Variants in DLGAP1 observed in about 807,000 individuals in gnomAD.
DLGAP1 encodes DLG associated protein 1, also known as disks large-associated protein 1.
In DLGAP1, 11 loss-of-function variants were observed where a neutral mutation model predicts 90.8. That is an observed-to-expected ratio of 0.12 (90% CI 0.08 to 0.20). The LOEUF is 0.20. Among genes scored for constraint, DLGAP1 ranks in the 10% least tolerant of loss-of-function variants. DLGAP1 has a pLI of 1.00. For synonymous variants in DLGAP1, 558 were observed against 540.7 expected (o/e 1.03, Z -0.44); for missense variants, 1,050 against 1,333.8 (o/e 0.79, Z 3.31).
intron 4 of DLGAP1, among the ~76,000 whole-genome samples, chr18:3,855,137 A>G (rs926253698): frequency 6.6e-6 from 1 of 152,234 alleles, no homozygotes; most frequent in Admixed American, 6.5e-5. Flanking sequence ...TATCCTTTGC[A>G]GCAACATGGA....
chr18:3,960,083 G>C (rs759443778), intron 3 of DLGAP1, among the ~76,000 whole-genome samples: 5 of 152,150 alleles, frequency 3.3e-5, no homozygotes, highest in Non-Finnish European at 5.9e-5. Flanking sequence ...CTTTCCACTG[G>C]ATTCTTTTTC....
intron 6 of DLGAP1, among the ~76,000 whole-genome samples, chr18:3,734,413 C>CA (rs2030486532): frequency 6.6e-6 from 1 of 152,124 alleles, no homozygotes; most frequent in Non-Finnish European, 1.5e-5. Context: ...CTACTGCACT[C>CA]AGCCCCATTT....
chr18:3,629,009 G>C (rs1429834996), intron 7 of DLGAP1, among the ~76,000 whole-genome samples: 1 of 152,156 alleles, frequency 6.6e-6, no homozygotes, highest in African/African-American at 2.4e-5. Flanking sequence ...TTTGCTATGA[G>C]TTTCTTCATA....
At chr18:3,673,945 C>G (rs1342958006) in intron 7 of DLGAP1, among the ~76,000 whole-genome samples, 1 of 151,782 alleles carries the variant, frequency 6.6e-6, no homozygotes, top group Admixed American at 6.6e-5. Context: ...TGGGTTCAAG[C>G]GATTCTCCTG....
Position 3,498,304 on chromosome 18 carries a change from T to C in DLGAP1, c.*881A>G, listed in dbSNP as rs1259127571. Reference sequence around the variant, plus strand: ...AACAATATAAATATACACAGTACAATAAGAGTTGAGAAAACATTTCAGGTC... The same window carrying C: ...AACAATATAAATATACACAGTACAACAAGAGTTGAGAAAACATTTCAGGTC... On this transcript the variant is annotated 3_prime_UTR_variant, in exon 13 of 13. Coordinates refer to ENST00000315677, the MANE Select transcript of DLGAP1 (RefSeq NM_004746.4). 2 of 152,124 alleles carry C rather than the reference T, an allele frequency of 1.3e-5. No homozygotes were observed. Among genetic ancestry groups the C allele is most frequent in the Non-Finnish European group, 1.5e-5 (1 of 68,018 alleles). 9.4% of individuals were successfully genotyped at this position (152,124 alleles called of 1,614,324 possible).
At chr18:4,316,979 C>T (rs1224428474) in intron 1 of DLGAP1, among the ~76,000 whole-genome samples, 4 of 151,878 alleles carry the variant, frequency 2.6e-5, no homozygotes, top group Admixed American at 6.6e-5. Context: ...TGCTTCTGTC[C>T]TCCTTCCCTC....
chr18:3,903,394 G>A (rs959704059), intron 3 of DLGAP1, among the ~76,000 whole-genome samples: 5 of 152,128 alleles, frequency 3.3e-5, no homozygotes, highest in Non-Finnish European at 7.4e-5. Context: ...ACCATTATTT[G>A]TAATTAAGTC....
chr18:4,069,988 CTTTT>C (rs367638752), intron 2 of DLGAP1, among the ~76,000 whole-genome samples: 1,482 of 145,282 alleles, frequency 0.01, 17 homozygotes, highest in African/African-American at 0.035. Context: ...TTCTTTCTTT[CTTTT>C]TTTTTTTTGA....
chr18:3,973,069 G>T (rs9949656), intron 3 of DLGAP1, among the ~76,000 whole-genome samples: 59,800 of 151,672 alleles, frequency 0.39, 11,932 homozygotes, highest in Non-Finnish European at 0.42. Flanking sequence ...ACAAATCACT[G>T]TCCAAAGAAA....
chr18:3,539,253 A>G (rs751761597), intron 9 of DLGAP1, among the ~76,000 whole-genome samples: 3 of 152,136 alleles, frequency 2.0e-5, no homozygotes, highest in Admixed American at 6.5e-5. Context: ...TAATTTCTTT[A>G]TTTTTTGAAA....
intron 8 of DLGAP1, among the ~76,000 whole-genome samples, chr18:3,568,912 T>A (rs886998563): frequency 1.3e-5 from 2 of 151,756 alleles, no homozygotes; most frequent in South Asian, 2.1e-4. Flanking sequence ...GGTCTCGATC[T>A]CCTGACCTCG....
intron 7 of DLGAP1, among the ~76,000 whole-genome samples, chr18:3,654,409 A>G (rs2059413639): frequency 6.6e-6 from 1 of 152,172 alleles, no homozygotes; most frequent in Non-Finnish European, 1.5e-5. Flanking sequence ...TTTTAAAATT[A>G]CTTAATGCTC....
At chr18:4,082,869 C>T (rs1405592054) in intron 2 of DLGAP1, among the ~76,000 whole-genome samples, 1 of 151,892 alleles carries the variant, frequency 6.6e-6, no homozygotes, top group Non-Finnish European at 1.5e-5. Context: ...CATGGGGCCC[C>T]ATGTGTTTGC....
intron 7 of DLGAP1, among the ~76,000 whole-genome samples, chr18:3,625,015 C>G (rs1340549892): frequency 6.6e-6 from 1 of 152,180 alleles, no homozygotes; most frequent in Non-Finnish European, 1.5e-5. Context: ...AGCCACAAGT[C>G]CCTAAACGCC....
intron 1 of DLGAP1, among the ~76,000 whole-genome samples, chr18:4,308,001 C>G (rs555266508): frequency 6.6e-6 from 1 of 152,178 alleles, no homozygotes; most frequent in African/African-American, 2.4e-5. Flanking sequence ...GGGCATGAGC[C>G]ACCGTGCCCG....
At chr18:3,666,185 C>T (rs2059876947) in intron 7 of DLGAP1, among the ~76,000 whole-genome samples, 1 of 152,116 alleles carries the variant, frequency 6.6e-6, no homozygotes. Flanking sequence ...AGGAAACCTT[C>T]CAGGAAAGAC....
At chr18:4,320,424 T>C (rs971809437) in intron 1 of DLGAP1, among the ~76,000 whole-genome samples, 22 of 152,198 alleles carry the variant, frequency 1.4e-4, no homozygotes, top group Non-Finnish European at 2.5e-4. Context: ...ATTCTGTCAT[T>C]GTCTCATGAG....
At chr18:3,806,220 C>T (rs1568166014) in intron 5 of DLGAP1, among the ~76,000 whole-genome samples, 1 of 152,030 alleles carries the variant, frequency 6.6e-6, no homozygotes, top group Non-Finnish European at 1.5e-5. Context: ...GTAAACAAAA[C>T]AAAACAAAAA....
Position 3,572,965 on chromosome 18 carries a change from G to A in DLGAP1, c.1966-5384C>T, listed in dbSNP as rs113334470. Among the ~76,000 whole-genome samples, 246 of 152,040 alleles carry A rather than the reference G, an allele frequency of 1.6e-3. 1 individual carries two copies. The highest frequency in any genetic ancestry group is 1.9e-3 in the Non-Finnish European group (130 of 67,988). On this transcript the variant is annotated intron_variant, in intron 8 of 12. Coordinates refer to ENST00000315677, the MANE Select transcript of DLGAP1 (RefSeq NM_004746.4). The stretch of plus-strand genomic sequence containing the variant: ...CTTCAGACAGGAAATATGCTGACAC[G>A]ATAATAAGATGTGAGGGAGGCACAT...
Sources: allele counts gnomAD v4.1 joint callset (sites outside exome capture counted in the v4.1 genomes callset), GRCh38; gene constraint gnomAD v4.1.1; transcripts MANE v1.5; gene names NCBI Gene and HGNC (gene_info 2026-07-23, HGNC 2026-07-21).